The following KIF6 variants were observed in gnomAD, a reference collection of about 807,000 sequenced individuals.
The protein encoded by KIF6 is kinesin-like protein KIF6.
KIF6 carries 106 observed loss-of-function variants against 112.7 expected under a neutral mutation model. That is an observed-to-expected ratio of 0.94 (90% CI 0.80 to 1.11). KIF6 has a LOEUF of 1.11. Ranked by LOEUF, KIF6 falls within the 50% of genes least tolerant of loss-of-function variation. The pLI, the probability that KIF6 is intolerant of heterozygous loss-of-function variation, is 0.00. For missense variants in KIF6, 929 were observed against 964.0 expected, an observed-to-expected ratio of 0.96 and a Z score of 0.48; for synonymous variants, 339 against 339.9, an observed-to-expected ratio of 1.00 and a Z score of 0.03.
intron 16 of KIF6, among the ~76,000 whole-genome samples, chr6:39,374,424 A>G (rs967097099): frequency 1.3e-5 from 2 of 152,254 alleles, no homozygotes; most frequent in African/African-American, 4.8e-5. Context: ...GAAACAATCA[A>G]CAGACTAAAG....
chr6:39,712,683 T>C (rs1789624436), intron 3 of KIF6, among the ~76,000 whole-genome samples: 1 of 152,058 alleles, frequency 6.6e-6, no homozygotes, highest in East Asian at 1.9e-4. Context: ...GCCAAGATGG[T>C]GAAACCCCAT....
intron 7 of KIF6, among the ~76,000 whole-genome samples, chr6:39,595,191 A>C (rs528160100): frequency 6.6e-6 from 1 of 152,322 alleles, no homozygotes; most frequent in East Asian, 1.9e-4. Context: ...GGTTATCTCA[A>C]AGTCATGTTC....
At chr6:39,430,427 A>G (rs1478561707) in intron 14 of KIF6, among the ~76,000 whole-genome samples, 3 of 152,146 alleles carry the variant, frequency 2.0e-5, no homozygotes, top group African/African-American at 4.8e-5. Flanking sequence ...TGAGCTCTAG[A>G]CCCCTACATC....
intron 13 of KIF6, among the ~76,000 whole-genome samples, chr6:39,444,434 G>A (rs1255544085): frequency 1.3e-5 from 2 of 152,042 alleles, no homozygotes; most frequent in Non-Finnish European, 2.9e-5. Flanking sequence ...TTAGTTACCT[G>A]TTTTTTTGTT....
rs535122511 is a variant in KIF6 at position 39,657,220 on chromosome 6, C to T, written c.252-17463G>A. 9.3e-4 allele frequency among the ~76,000 whole-genome samples: 136 copies of T among 145,750 alleles called. 1 individual carries two copies. Among genetic ancestry groups the T allele is most frequent in the Non-Finnish European group, 7.6e-4 (51 of 66,836 alleles). On this transcript the variant is annotated intron_variant, in intron 3 of 22. Transcript: ENST00000287152. ...TGCACTCCAGCCTGGGCAACAAGAG[C>T]GAAACTCCATCTCAAAAAAAAAAGA...
At chr6:39,376,431 T>G (rs1766444406) in intron 16 of KIF6, among the ~76,000 whole-genome samples, 1 of 152,216 alleles carries the variant, frequency 6.6e-6, no homozygotes, top group Middle Eastern at 3.2e-3. Context: ...GAAGGCCAGC[T>G]AAGCCTCAGG....
chr6:39,503,055 C>T (rs1581996226), intron 13 of KIF6, among the ~76,000 whole-genome samples: 1 of 152,112 alleles, frequency 6.6e-6, no homozygotes, highest in East Asian at 1.9e-4. Context: ...AATTGCCACA[C>T]AGCACTTACT....
chr6:39,351,309 C>T (rs987439968), intron 19 of KIF6, among the ~76,000 whole-genome samples: 2 of 151,028 alleles, frequency 1.3e-5, no homozygotes, highest in African/African-American at 4.9e-5. Flanking sequence ...TGGCTCACTA[C>T]AGCCTTGACC....
chr6:39,387,176 A>G lies in KIF6; in HGVS notation c.1811-1504T>C, dbSNP rs542517711. Among the ~76,000 whole-genome samples the G allele has an allele frequency of 1.2e-3, 177 of 152,290 alleles. 2 individuals are homozygous for G. The highest frequency in any genetic ancestry group is 4.2e-3 in the African/African-American group (173 of 41,552). ...TTGTATGTATTCGAGCTATTCCATTAAGTTATATGTAAGGAATTAATTATG... is the reference window on the plus strand; with the variant it reads ...TTGTATGTATTCGAGCTATTCCATTGAGTTATATGTAAGGAATTAATTATG... On this transcript the variant is annotated intron_variant, in intron 15 of 22. Transcript: ENST00000287152.
intron 13 of KIF6, among the ~76,000 whole-genome samples, chr6:39,464,729 C>G (rs1773687668): frequency 6.6e-6 from 1 of 152,116 alleles, no homozygotes; most frequent in Non-Finnish European, 1.5e-5. Context: ...TTCACGCTAA[C>G]AAGACCCCAC....
intron 13 of KIF6, among the ~76,000 whole-genome samples, chr6:39,500,366 T>C (rs1776053170): frequency 6.6e-6 from 1 of 152,072 alleles, no homozygotes; most frequent in Non-Finnish European, 1.5e-5. Flanking sequence ...CAAGAATAAA[T>C]AAGCAATTCA....
At chr6:39,596,808 T>C (rs1782296551) in intron 6 of KIF6, among the ~76,000 whole-genome samples, 1 of 152,074 alleles carries the variant, frequency 6.6e-6, no homozygotes, top group African/African-American at 2.4e-5. Flanking sequence ...TACAAAAAAA[T>C]ATGGTGGTCT....
At chr6:39,585,254 C>G (rs1401731911) in intron 8 of KIF6, among the ~76,000 whole-genome samples, 1 of 152,148 alleles carries the variant, frequency 6.6e-6, no homozygotes, top group African/African-American at 2.4e-5. Context: ...TGAAACTGTT[C>G]CAACTCAGAT....
chr6:39,714,969 G>T (rs1055879549), intron 2 of KIF6: 1 of 494,472 alleles, frequency 2.0e-6, no homozygotes, highest in Non-Finnish European at 3.6e-6. Context: ...AAACAGTATT[G>T]CTTTGACAAG....
intron 10 of KIF6, among the ~76,000 whole-genome samples, chr6:39,575,598 G>A (rs1341390560): frequency 2.6e-5 from 4 of 152,096 alleles, no homozygotes; most frequent in Non-Finnish European, 4.4e-5. Context: ...TGAGAATAGG[G>A]GATGGGTAAA....
chr6:39,706,528 G>A (rs1789221924), intron 3 of KIF6, among the ~76,000 whole-genome samples: 1 of 152,162 alleles, frequency 6.6e-6, no homozygotes, highest in Non-Finnish European at 1.5e-5. Flanking sequence ...ATAAGACCAT[G>A]TTCTCAGTTG....
At chr6:39,495,928 G>A (rs1011254483) in intron 13 of KIF6, among the ~76,000 whole-genome samples, 1 of 152,182 alleles carries the variant, frequency 6.6e-6, no homozygotes, top group Admixed American at 6.5e-5. Flanking sequence ...ACCTTCAGGG[G>A]CCTGGGGACC....
intron 5 of KIF6, among the ~76,000 whole-genome samples, chr6:39,624,860 A>T (rs1313487386): frequency 6.6e-6 from 1 of 152,182 alleles, no homozygotes; most frequent in African/African-American, 2.4e-5. Flanking sequence ...GTGAAAGCTA[A>T]CATTTCTATT....
chr6:39,680,803 A>G (rs1018728766), intron 3 of KIF6, among the ~76,000 whole-genome samples: 22 of 152,228 alleles, frequency 1.4e-4, no homozygotes, highest in Non-Finnish European at 2.4e-4. Flanking sequence ...CTACCATTCC[A>G]TAAACATGTA....
Sources: gnomAD v4.1 joint callset for allele counts (sites outside exome capture counted in the v4.1 genomes callset) on GRCh38, gnomAD v4.1.1 for gene constraint, MANE v1.5 for transcripts, NCBI Gene and HGNC (gene_info 2026-07-23, HGNC 2026-07-21) for gene names.